KIAA1549L: variants seen among roughly 807,000 people sequenced by gnomAD.
KIAA1549L encodes the protein UPF0606 protein KIAA1549L.
A neutral mutation model predicts 160.7 loss-of-function variants in KIAA1549L; 88 were observed. The ratio of observed to expected loss-of-function variants is 0.55; its 90% CI spans 0.46 to 0.65. KIAA1549L has a LOEUF of 0.65. KIAA1549L is among the 30% of genes least tolerant of loss of function. The probability of loss-of-function intolerance (pLI) is 0.00; values close to 1 mark genes in which losing one functional copy is unlikely to be tolerated. For synonymous variants in KIAA1549L, 950 were observed against 976.7 expected (o/e 0.97, Z 0.51); for missense variants, 2,258 against 2,437.5 (o/e 0.93, Z 1.55).
At chr11:33,575,188 A>C (rs1404371858) in intron 10 of KIAA1549L, among the ~76,000 whole-genome samples, 1 of 152,246 alleles carries the variant, frequency 6.6e-6, no homozygotes, top group Non-Finnish European at 1.5e-5. Context: ...ATTAAAGATA[A>C]TCTGATTCAA....
chr11:33,409,432 G>A (rs1850741948), intron 1 of KIAA1549L, among the ~76,000 whole-genome samples: 1 of 152,170 alleles, frequency 6.6e-6, no homozygotes, highest in Non-Finnish European at 1.5e-5. Flanking sequence ...AAAGAACAAA[G>A]GAGGTAGCGT....
At chr11:33,412,272 A>G (rs373104680) in intron 1 of KIAA1549L, among the ~76,000 whole-genome samples, 13 of 152,348 alleles carry the variant, frequency 8.5e-5, no homozygotes, top group African/African-American at 3.1e-4. Context: ...CTATATGTTT[A>G]TCCAACATTA....
intron 18 of KIAA1549L, among the ~76,000 whole-genome samples, 170 bp from the exon 19 acceptor site, chr11:33,658,580 C>A (rs1852148798): frequency 6.6e-6 from 1 of 152,184 alleles, no homozygotes; most frequent in South Asian, 2.1e-4. Context: ...TCCTGCCCTG[C>A]TGGTGTTCCT....
intron 1 of KIAA1549L, among the ~76,000 whole-genome samples, chr11:33,528,816 G>A (rs556379486): frequency 5.3e-4 from 81 of 152,278 alleles, no homozygotes; most frequent in African/African-American, 1.9e-3. Context: ...GGACTCTGGG[G>A]ACTCCGGGGG....
In KIAA1549L at chr11:33,545,042, CAT is replaced by C. The variant is rs1179730217; in HGVS notation, c.3051_3052del (p.Thr1018HisfsTer105). 6.2e-7 allele frequency: 1 copy of C among 1,614,036 alleles called. No individual in the cohort carries two copies. The highest frequency in any genetic ancestry group is 1.3e-5 in the African/African-American group (1 of 75,052). On this transcript the variant is annotated frameshift_variant, in exon 3 of 21. Transcript: ENST00000658780. LOFTEE classifies it high-confidence loss of function. ...TPTYMYARTG[H>X]TTSTHTAMQG... ...AACCTACATGTATGCAAGAACAGGA[CAT>C]ACCACGAGCACACATACAGCCATGC... is the stretch of plus-strand genomic sequence containing the variant.
intron 17 of KIAA1549L, among the ~76,000 whole-genome samples, chr11:33,655,018 G>A (rs1356508046): frequency 3.9e-5 from 6 of 152,280 alleles, no homozygotes; most frequent in African/African-American, 1.4e-4. Flanking sequence ...TGAGAGATCT[G>A]ATGGGCAGAA....
intron 1 of KIAA1549L, among the ~76,000 whole-genome samples, chr11:33,500,341 T>C (rs1419212944): frequency 6.6e-6 from 1 of 152,160 alleles, no homozygotes; most frequent in African/African-American, 2.4e-5. Context: ...GAAGTGTATA[T>C]AAAGACTCTC....
intron 6 of KIAA1549L, among the ~76,000 whole-genome samples, chr11:33,558,839 CTTT>C (rs567011766): frequency 7.1e-6 from 1 of 140,598 alleles, no homozygotes. Context: ...TTTTTCTTTT[CTTT>C]TTTTTTTTTT....
In KIAA1549L at chr11:33,530,120, C is replaced by T. The variant is rs140842210; in HGVS notation, c.239-11682C>T. Among the ~76,000 whole-genome samples, 483 of 151,796 alleles carry T rather than the reference C, an allele frequency of 3.2e-3. 4 individuals carry two copies. Among genetic ancestry groups the T allele is most frequent in the Non-Finnish European group, 5.1e-3 (346 of 67,934 alleles). On this transcript the variant is annotated intron_variant, in intron 1 of 20. Coordinates refer to ENST00000658780, the MANE Select transcript of KIAA1549L (RefSeq NM_012194.3). The stretch of plus-strand genomic sequence containing the variant: ...ATTAATATGAAACCTTGGGGCCGGG[C>T]GCGGTGGCTCACGCCTGTAATTCCA...
intron 1 of KIAA1549L, among the ~76,000 whole-genome samples, chr11:33,494,355 C>G (rs1852765471): frequency 6.6e-6 from 1 of 152,276 alleles, no homozygotes; most frequent in African/African-American, 2.4e-5. Flanking sequence ...GGGGTAAGCC[C>G]ATTATACCAC....
At chr11:33,616,306 A>G (rs1208051518) in intron 15 of KIAA1549L, among the ~76,000 whole-genome samples, 4 of 152,142 alleles carry the variant, frequency 2.6e-5, no homozygotes, top group Admixed American at 1.3e-4. Flanking sequence ...CTATCTTCTT[A>G]GAAACCCCAA....
At chr11:33,560,274 T>C (rs926756706) in intron 7 of KIAA1549L, among the ~76,000 whole-genome samples, 4 of 152,198 alleles carry the variant, frequency 2.6e-5, no homozygotes, top group African/African-American at 7.2e-5. Context: ...CTAAGAGGTT[T>C]CACAAGATAC....
chr11:33,602,706 C>G (rs985953340), intron 13 of KIAA1549L, among the ~76,000 whole-genome samples: 4 of 152,210 alleles, frequency 2.6e-5, no homozygotes, highest in Admixed American at 2.6e-4. Flanking sequence ...TTCTCCCATG[C>G]TTTTTCTTTA....
chr11:33,403,230 CACAAACACACATAT>C (rs1850540747), intron 1 of KIAA1549L: 1 of 81,624 alleles, frequency 1.2e-5, no homozygotes, highest in African/African-American at 4.1e-5. Flanking sequence ...CAGACACAGA[CACAAACACACATAT>C]GCAGACACAC....
chr11:33,528,928 C>A (rs1453772014), intron 1 of KIAA1549L, among the ~76,000 whole-genome samples: 1 of 152,126 alleles, frequency 6.6e-6, no homozygotes, highest in Non-Finnish European at 1.5e-5. Flanking sequence ...AAGAACTTTT[C>A]CATACAACCA....
chr11:33,600,805 T>C (rs571560591), intron 13 of KIAA1549L, among the ~76,000 whole-genome samples: 21 of 152,380 alleles, frequency 1.4e-4, no homozygotes, highest in African/African-American at 3.8e-4. Flanking sequence ...TCTATGCCCT[T>C]TCTCTTGCTT....
chr11:33,434,327 A>G (rs1851312956), intron 1 of KIAA1549L, among the ~76,000 whole-genome samples: 1 of 152,150 alleles, frequency 6.6e-6, no homozygotes, highest in Non-Finnish European at 1.5e-5. Context: ...GTAAGATGTG[A>G]CTTTGCTCCT....
At chr11:33,561,259 T>C (rs1393530681) in intron 7 of KIAA1549L, among the ~76,000 whole-genome samples, 6 of 152,188 alleles carry the variant, frequency 3.9e-5, no homozygotes, top group Non-Finnish European at 8.8e-5. Flanking sequence ...ATAAAGAAGG[T>C]GTTCTGTTTG....
At chr11:33,568,621 T>C (rs968375700) in intron 9 of KIAA1549L, among the ~76,000 whole-genome samples, 6 of 152,218 alleles carry the variant, frequency 3.9e-5, no homozygotes, top group Non-Finnish European at 4.4e-5. Flanking sequence ...TTCCTCTGAA[T>C]AGCAGATGCA....
Sources: gnomAD v4.1 joint callset for allele counts (sites outside exome capture counted in the v4.1 genomes callset) on GRCh38, gnomAD v4.1.1 for gene constraint, MANE v1.5 for transcripts, NCBI Gene and HGNC (gene_info 2026-07-23, HGNC 2026-07-21) for gene names.